The following DIP2B variants were observed in gnomAD, a reference collection of about 807,000 sequenced individuals.
The protein encoded by DIP2B is disco-interacting protein 2 homolog B.
In DIP2B, 76 loss-of-function variants were observed where a neutral mutation model predicts 198.0. The observed-to-expected ratio is 0.38, with a 90% CI of 0.32 to 0.46. The LOEUF (loss-of-function observed/expected upper bound fraction) is 0.46, where lower values mean the gene tolerates loss of function less well. DIP2B is among the 20% of genes least tolerant of loss of function. The pLI is 0.99. For missense variants in DIP2B, 1,559 were observed against 1,978.4 expected, an observed-to-expected ratio of 0.79 and a Z score of 4.02; for synonymous variants, 701 against 739.1, an observed-to-expected ratio of 0.95 and a Z score of 0.84.
At chr12:50,602,764 C>T (rs1382064573) in intron 1 of DIP2B, among the ~76,000 whole-genome samples, 2 of 148,130 alleles carry the variant, frequency 1.4e-5, no homozygotes, top group African/African-American at 2.5e-5. Flanking sequence ...GAGGCTGAGG[C>T]GGGAGAATCA....
At chr12:50,580,796 T>C (rs1187204213) in intron 1 of DIP2B, among the ~76,000 whole-genome samples, 3 of 148,860 alleles carry the variant, frequency 2.0e-5, no homozygotes, top group Non-Finnish European at 4.4e-5. Flanking sequence ...GCAGAATTAC[T>C]AATTGTTTTG....
chr12:50,685,050 C>G (rs1459437182), intron 10 of DIP2B, among the ~76,000 whole-genome samples: 2 of 152,128 alleles, frequency 1.3e-5, no homozygotes, highest in African/African-American at 4.8e-5. Context: ...CGAGATCATG[C>G]CACTGCACTC....
intron 1 of DIP2B, among the ~76,000 whole-genome samples, chr12:50,576,850 C>T (rs1451944979): frequency 6.6e-6 from 1 of 151,648 alleles, no homozygotes; most frequent in African/African-American, 2.4e-5. Flanking sequence ...TCTCTCCCTG[C>T]AAACATCCCT....
At chr12:50,693,114 A>C in intron 14 of DIP2B, 101 bp downstream of exon 14, 3 of 1,173,186 alleles carry the variant, frequency 2.6e-6, no homozygotes, top group Non-Finnish European at 1.2e-6. Context: ...TTGAAATTTA[A>C]ATCCCCAAAA....
chr12:50,578,486 A>G (rs1958683348), intron 1 of DIP2B, among the ~76,000 whole-genome samples: 1 of 149,380 alleles, frequency 6.7e-6, no homozygotes, highest in Non-Finnish European at 1.5e-5. Context: ...CAATAATGAT[A>G]TTAAGATGTT....
In DIP2B at chr12:50,640,742, A is replaced by G. The variant is rs1433276239; in HGVS notation, c.191A>G (p.Gln64Arg). 6.2e-7 allele frequency: 1 copy of G among 1,613,854 alleles called. No homozygotes were observed. The highest frequency in any genetic ancestry group is 8.5e-7 in the Non-Finnish European group (1 of 1,179,796). ...PQTQETDSAV[Q>R]KELRNQTPAP... Reference sequence around the variant, plus strand: ...TTTTTAGAAACTGATTCAGCAGTACAGAAAGAACTTAGAAACCAGACACCT... The same window carrying G: ...TTTTTAGAAACTGATTCAGCAGTACGGAAAGAACTTAGAAACCAGACACCT... The change falls in exon 3 of 38, where the codon CAG becomes CGG. Residue 64 changes from glutamine (Q) to arginine (R), a missense_variant. Coordinates refer to ENST00000301180, the MANE Select transcript of DIP2B (RefSeq NM_173602.3).
intron 1 of DIP2B, among the ~76,000 whole-genome samples, chr12:50,556,423 C>T (rs908784231): frequency 6.6e-6 from 1 of 152,086 alleles, no homozygotes; most frequent in African/African-American, 2.4e-5. Context: ...CATCATATTC[C>T]TTGTAGTGTT....
chr12:50,545,881 C>T (rs542655621), intron 1 of DIP2B, among the ~76,000 whole-genome samples: 1 of 152,230 alleles, frequency 6.6e-6, no homozygotes, highest in Admixed American at 6.5e-5. Context: ...AGTGATCCAC[C>T]CGCCTCGGCC....
At chr12:50,688,706 T>G (rs982727052) in intron 12 of DIP2B, among the ~76,000 whole-genome samples, 3 of 152,158 alleles carry the variant, frequency 2.0e-5, no homozygotes, top group African/African-American at 7.2e-5. Flanking sequence ...AGTGATCAGC[T>G]CTCAATCTAT....
At chr12:50,659,165 C>T (rs1938603481) in intron 3 of DIP2B, among the ~76,000 whole-genome samples, 1 of 152,102 alleles carries the variant, frequency 6.6e-6, no homozygotes, top group South Asian at 2.1e-4. Flanking sequence ...TTTGAAAAAC[C>T]CCTAGAAAGG....
At chr12:50,594,768 G>T (rs1197103615) in intron 1 of DIP2B, among the ~76,000 whole-genome samples, 2 of 152,132 alleles carry the variant, frequency 1.3e-5, no homozygotes, top group Non-Finnish European at 2.9e-5. Context: ...CATATTAAAA[G>T]ATATTTATGG....
At chr12:50,621,092 A>G (rs930778057) in intron 1 of DIP2B, among the ~76,000 whole-genome samples, 6 of 152,220 alleles carry the variant, frequency 3.9e-5, no homozygotes, top group Non-Finnish European at 5.9e-5. Context: ...ACAAGGTTGA[A>G]AAACATTGCT....
chr12:50,506,722 A>AG (rs1957971681), intron 1 of DIP2B, among the ~76,000 whole-genome samples: 1 of 152,274 alleles, frequency 6.6e-6, no homozygotes, highest in South Asian at 2.1e-4. Context: ...TCGAAAATCG[A>AG]GGAGCTTTTT....
chr12:50,665,675 C>T (rs945648050), intron 4 of DIP2B, among the ~76,000 whole-genome samples: 2 of 151,590 alleles, frequency 1.3e-5, no homozygotes, highest in African/African-American at 4.9e-5. Flanking sequence ...GTTGTAGCCA[C>T]TCAGGAGGCT....
At chr12:50,623,629 G>A (rs891902256) in intron 1 of DIP2B, among the ~76,000 whole-genome samples, 3 of 151,822 alleles carry the variant, frequency 2.0e-5, no homozygotes, top group Admixed American at 6.6e-5. Flanking sequence ...ACCTATTACT[G>A]TTTTTAAAAA....
chr12:50,582,818 C>T (rs1437265127), intron 1 of DIP2B, among the ~76,000 whole-genome samples: 3 of 152,092 alleles, frequency 2.0e-5, no homozygotes, highest in Non-Finnish European at 2.9e-5. Flanking sequence ...AGTCAGTGGT[C>T]GTGTTTCCCC....
chr12:50,644,241 A>G (rs141905749), intron 3 of DIP2B, among the ~76,000 whole-genome samples: 2 of 152,186 alleles, frequency 1.3e-5, no homozygotes, highest in South Asian at 4.1e-4. Flanking sequence ...CTGCACATCC[A>G]GGCATGATTC....
rs113377890 is a variant in DIP2B, at chr12:50,692,921, C to A, written c.1655-28C>A. 2.3e-5 allele frequency: 37 copies of A among 1,594,130 alleles called. No individual in the cohort carries two copies. In the African/African-American group the frequency reaches 3.5e-4, roughly 15 times the overall value. ...TGCTACTTAATACTAAAGATGATTT[C>A]TTTGTCTTCCTATTTTTTCTATTTT... On this transcript the variant is annotated intron_variant, in intron 13 of 37. Transcript: ENST00000301180.
rs1244022536 is a variant in DIP2B at position 50,660,107 on chromosome 12, A to T, written c.302-87A>T. 10 of 1,254,598 alleles carry T rather than the reference A, an allele frequency of 8.0e-6. No homozygotes were observed. The African/African-American group carries it at 1.1e-4, about 14-fold the overall frequency. The allele number at this position is 1,254,598 out of a possible 1,614,324, so 77.7% of individuals were successfully genotyped here. On this transcript the variant is annotated intron_variant, in intron 3 of 37. Coordinates refer to ENST00000301180, the MANE Select transcript of DIP2B (RefSeq NM_173602.3). ...CCCTTTACCTTTTTTTTTTTTTTTA[A>T]ACAATTGAGGCAGTGATAGTTCAGC...
Sources: allele counts gnomAD v4.1 joint callset (sites outside exome capture counted in the v4.1 genomes callset), GRCh38; gene constraint gnomAD v4.1.1; transcripts MANE v1.5; gene names NCBI Gene and HGNC (gene_info 2026-07-23, HGNC 2026-07-21).